Variants in CTNNA3 observed in about 807,000 individuals in gnomAD.
CTNNA3 encodes the protein catenin alpha-3.
CTNNA3 carries 76 observed loss-of-function variants against 95.7 expected under a neutral mutation model. The ratio of observed to expected loss-of-function variants is 0.79; its 90% confidence interval spans 0.66 to 0.96. The LOEUF is 0.96. Among genes scored for constraint, CTNNA3 ranks in the 40% least tolerant of loss-of-function variants. The pLI, the probability that CTNNA3 is intolerant of heterozygous loss-of-function variation, is 0.00. For missense variants in CTNNA3, 1,191 were observed against 1,089.8 expected, an observed-to-expected ratio of 1.09 and a Z score of -1.31; for synonymous variants, 431 against 374.4, an observed-to-expected ratio of 1.15 and a Z score of -1.74.
chr10:67,288,890 G>A (rs970032868), intron 5 of CTNNA3, among the ~76,000 whole-genome samples: 5 of 152,110 alleles, frequency 3.3e-5, no homozygotes, highest in African/African-American at 1.2e-4. Context: ...CATGAACCCA[G>A]GAGTTCAAGG....
chr10:67,088,322 T>C (rs1481412262), intron 7 of CTNNA3, among the ~76,000 whole-genome samples: 2 of 151,892 alleles, frequency 1.3e-5, no homozygotes, highest in African/African-American at 2.4e-5. Context: ...TGAATATTTC[T>C]CTTTGGTTTT....
chr10:66,966,021 T>C (rs552663620), intron 7 of CTNNA3, among the ~76,000 whole-genome samples: 7 of 152,342 alleles, frequency 4.6e-5, no homozygotes, highest in African/African-American at 1.7e-4. Context: ...TAGTCAGGAC[T>C]TAAGATTTGA....
intron 11 of CTNNA3, among the ~76,000 whole-genome samples, chr10:66,490,688 C>T (rs1206757970): frequency 6.6e-6 from 1 of 152,156 alleles, no homozygotes. Flanking sequence ...CACTTGAACT[C>T]ATGTGGTAGC....
At chr10:65,990,559 G>T (rs763335084) in intron 15 of CTNNA3, among the ~76,000 whole-genome samples, 62 of 150,886 alleles carry the variant, frequency 4.1e-4, no homozygotes, top group Admixed American at 7.3e-4. Flanking sequence ...TCCTTTGCCC[G>T]CTTTTTGATG....
At position 66,326,267 on chromosome 10, in the gene CTNNA3, C is replaced by T. The variant is rs112362826; in HGVS notation, c.1733-45646G>A. Among the ~76,000 whole-genome samples the T allele has an allele frequency of 4.1e-4, 63 of 152,236 alleles. 1 individual carries two copies. The South Asian group carries it at 0.013, about 31-fold the overall frequency. ...ACACTAATACTTGATCTACATGTTACGCTTCACTCTTACAATGCTCTCATC... is the reference window on the plus strand; with the variant it reads ...ACACTAATACTTGATCTACATGTTATGCTTCACTCTTACAATGCTCTCATC... On this transcript the variant is annotated intron_variant, in intron 12 of 17. Coordinates refer to ENST00000433211, the MANE Select transcript of CTNNA3 (RefSeq NM_013266.4).
At chr10:66,942,441 AGT>A (rs1848046772) in intron 7 of CTNNA3, among the ~76,000 whole-genome samples, 1 of 152,126 alleles carries the variant, frequency 6.6e-6, no homozygotes, top group Non-Finnish European at 1.5e-5. Flanking sequence ...TTCTGTTGTT[AGT>A]ATTGTGTTTC....
At chr10:66,426,831 T>A (rs1044201856) in intron 11 of CTNNA3, among the ~76,000 whole-genome samples, 1 of 151,982 alleles carries the variant, frequency 6.6e-6, no homozygotes, top group Admixed American at 6.6e-5. Flanking sequence ...AAAATGCTTA[T>A]TCTTTGTGGG....
chr10:66,521,622 G>A (rs2132023709), intron 10 of CTNNA3, among the ~76,000 whole-genome samples: 1 of 152,164 alleles, frequency 6.6e-6, no homozygotes, highest in Admixed American at 6.5e-5. Flanking sequence ...TTAAAGTTTT[G>A]GTTAATTTTG....
At chr10:66,244,824 C>T (rs1326608729) in intron 13 of CTNNA3, among the ~76,000 whole-genome samples, 3 of 152,186 alleles carry the variant, frequency 2.0e-5, no homozygotes, top group Admixed American at 6.5e-5. Flanking sequence ...CTCTTAAATG[C>T]CCAGCTACAG....
At chr10:67,760,641 G>A (rs929662756) in intron 1 of CTNNA3, among the ~76,000 whole-genome samples, 3 of 96,304 alleles carry the variant, frequency 3.1e-5, no homozygotes, top group African/African-American at 7.7e-5. Flanking sequence ...GAGCGGGTGA[G>A]AGAGTAAAGC....
intron 1 of CTNNA3, among the ~76,000 whole-genome samples, chr10:67,695,316 ATTTCT>A (rs1300403540): frequency 2.0e-5 from 3 of 152,082 alleles, no homozygotes; most frequent in Admixed American, 2.0e-4. Flanking sequence ...ATTTGAACTC[ATTTCT>A]TTTATTTGTC....
intron 10 of CTNNA3, among the ~76,000 whole-genome samples, chr10:66,522,400 CAT>C (rs1010947306): frequency 1.3e-5 from 2 of 151,972 alleles, no homozygotes; most frequent in Non-Finnish European, 2.9e-5. Context: ...TCATAATTCC[CAT>C]ATGTCATGGG....
chr10:67,573,657 A>T (rs2133295039), intron 3 of CTNNA3, among the ~76,000 whole-genome samples: 1 of 152,104 alleles, frequency 6.6e-6, no homozygotes, highest in East Asian at 1.9e-4. Flanking sequence ...GTATTATATT[A>T]GATAAGAAAG....
intron 13 of CTNNA3, among the ~76,000 whole-genome samples, chr10:66,202,757 T>C (rs974757222): frequency 2.0e-5 from 3 of 152,204 alleles, no homozygotes; most frequent in African/African-American, 7.2e-5. Context: ...CTGACTCTTC[T>C]ACCATACTAC....
At chr10:66,184,375 T>C (rs535203871) in intron 13 of CTNNA3, among the ~76,000 whole-genome samples, 1 of 152,318 alleles carries the variant, frequency 6.6e-6, no homozygotes, top group African/African-American at 2.4e-5. Flanking sequence ...TATACAATTT[T>C]ATATTTTGTT....
chr10:66,360,907 C>T (rs10997084), intron 12 of CTNNA3, among the ~76,000 whole-genome samples: 2 of 132,394 alleles, frequency 1.5e-5, no homozygotes, highest in Non-Finnish European at 3.1e-5. Context: ...CTTTCTCTCT[C>T]TCTCTCTCTT....
At chr10:67,707,528 T>A (rs1302069380) in intron 1 of CTNNA3, among the ~76,000 whole-genome samples, 1 of 152,090 alleles carries the variant, frequency 6.6e-6, no homozygotes, top group Admixed American at 6.6e-5. Flanking sequence ...CTCATAGAGG[T>A]CTTTCTTTAC....
intron 1 of CTNNA3, among the ~76,000 whole-genome samples, chr10:67,684,398 C>T (rs935440133): frequency 2.6e-5 from 4 of 152,176 alleles, no homozygotes; most frequent in Non-Finnish European, 5.9e-5. Flanking sequence ...CTGACTGGTG[C>T]GTTTACAAAC....
chr10:66,344,202 G>A (rs1443385495), intron 12 of CTNNA3, among the ~76,000 whole-genome samples: 2 of 139,470 alleles, frequency 1.4e-5, no homozygotes, highest in Non-Finnish European at 3.1e-5. Context: ...ACTCCAGCCT[G>A]GGGGACAGGG....
Sources: allele counts gnomAD v4.1 joint callset (sites outside exome capture counted in the v4.1 genomes callset), GRCh38; gene constraint gnomAD v4.1.1; transcripts MANE v1.5; gene names NCBI Gene and HGNC (gene_info 2026-07-23, HGNC 2026-07-21).